Variants in FLRT2 observed in about 807,000 individuals in gnomAD.
FLRT2 encodes the protein leucine-rich repeat transmembrane protein FLRT2.
A neutral mutation model predicts 40.0 loss-of-function variants in FLRT2; 15 were observed. The observed-to-expected ratio is 0.38, with a 90% CI of 0.25 to 0.58. The LOEUF is 0.58. Among genes scored for constraint, FLRT2 ranks in the 20% least tolerant of loss-of-function variants. The pLI is 0.71. For synonymous variants in FLRT2, 380 were observed against 336.8 expected, an observed-to-expected ratio of 1.13 and a Z score of -1.41; for missense variants, 726 against 840.0, an observed-to-expected ratio of 0.86 and a Z score of 1.68.
chr14:85,618,782 C>A (rs1893250745), intron 1 of FLRT2, among the ~76,000 whole-genome samples: 1 of 152,138 alleles, frequency 6.6e-6, no homozygotes, highest in Non-Finnish European at 1.5e-5. Flanking sequence ...ATGCGCCCAT[C>A]CCAGGCTCTC....
At chr14:85,533,614 G>A (rs1190079039) in intron 1 of FLRT2, among the ~76,000 whole-genome samples, 1 of 152,182 alleles carries the variant, frequency 6.6e-6, no homozygotes, top group African/African-American at 2.4e-5. Flanking sequence ...GCGGAGAGGG[G>A]GAGGCGGAGG....
In FLRT2 at chr14:85,638,812, A is replaced by C. The variant is rs1894074570; in HGVS notation, c.*15315A>C. ...GCCTAGATTTTGCTGCATGTCCGCA[A>C]ACCTATTTTGATCAACCAGTACTGA... is the stretch of plus-strand genomic sequence containing the variant. On this transcript the variant is annotated 3_prime_UTR_variant, in exon 2 of 2. Transcript: ENST00000330753. 1 of 152,220 alleles carries C rather than the reference A, an allele frequency of 6.6e-6. No homozygotes were observed. Among genetic ancestry groups the C allele is most frequent in the African/African-American group, 2.4e-5 (1 of 41,456 alleles). 9.4% of individuals were successfully genotyped at this position (152,220 alleles called of 1,614,324 possible). A position where few individuals can be genotyped will look rare whatever the true frequency, so the allele number is the denominator to read the frequency against.
At chr14:85,612,150 A>G (rs1892915617) in intron 1 of FLRT2, among the ~76,000 whole-genome samples, 1 of 5,054 alleles carries the variant, frequency 2.0e-4, no homozygotes, top group Non-Finnish European at 5.0e-4. Flanking sequence ...TAAAAAAAGA[A>G]AAAAAAAAAC....
chr14:85,583,659 C>T (rs1269051307), intron 1 of FLRT2, among the ~76,000 whole-genome samples: 1 of 152,096 alleles, frequency 6.6e-6, no homozygotes, highest in Non-Finnish European at 1.5e-5. Flanking sequence ...TCCCTCAAGG[C>T]ATTGTGCACG....
At chr14:85,542,315 T>C (rs563382906) in intron 1 of FLRT2, among the ~76,000 whole-genome samples, 2 of 152,180 alleles carry the variant, frequency 1.3e-5, no homozygotes, top group African/African-American at 4.8e-5. Context: ...CATGTATGTA[T>C]AGTATAATTT....
intron 1 of FLRT2, among the ~76,000 whole-genome samples, chr14:85,586,587 C>T (rs966490454): frequency 1.1e-4 from 17 of 152,006 alleles, no homozygotes; most frequent in Admixed American, 5.2e-4. Flanking sequence ...GCTTTATAAT[C>T]GTGATAAAAC....
At chr14:85,575,328 C>A (rs1891081089) in intron 1 of FLRT2, among the ~76,000 whole-genome samples, 1 of 151,594 alleles carries the variant, frequency 6.6e-6, no homozygotes, top group Non-Finnish European at 1.5e-5. Context: ...TTGATTAGTT[C>A]TTACAACATT....
At position 85,621,913 on chromosome 14, in the gene FLRT2, G is replaced by C; in HGVS notation, c.399G>C (p.Leu133Phe). Residue 133 changes from leucine (L) to phenylalanine (F), a missense_variant, in exon 2 of 2, where the codon TTG (leucine) becomes TTC (phenylalanine). Coordinates refer to ENST00000330753, the MANE Select transcript of FLRT2 (RefSeq NM_013231.6). ...TISRAALAQL[L>F]KLEELHLDDN... is the part of the protein sequence containing the mutation. ...CACGGGCTGCTCTTGCCCAGCTCTTGAAGCTTGAAGAGCTGCACCTGGATG... is the reference window on the plus strand; with the variant it reads ...CACGGGCTGCTCTTGCCCAGCTCTTCAAGCTTGAAGAGCTGCACCTGGATG... 6.2e-7 allele frequency: 1 copy of C among 1,602,494 alleles called. No homozygotes were observed. Among genetic ancestry groups the C allele is most frequent in the Non-Finnish European group, 8.5e-7 (1 of 1,173,544 alleles).
chr14:85,629,615 G>A lies in FLRT2; in HGVS notation c.*6118G>A, dbSNP rs2139383165. 1 of 152,240 alleles carries A rather than the reference G, an allele frequency of 6.6e-6. No homozygotes were observed. Among genetic ancestry groups the A allele is most frequent in the Middle Eastern group, 3.4e-3 (1 of 294 alleles). 9.4% of individuals were successfully genotyped at this position (152,240 alleles called of 1,614,324 possible). A position where few individuals can be genotyped will look rare whatever the true frequency, so the allele number is the denominator to read the frequency against. ...AGAGAAATTAAGTGATTAGTCTATAGCTACAAATCCTGTAAATGGCAGAGT... is the reference window on the plus strand; with the variant it reads ...AGAGAAATTAAGTGATTAGTCTATAACTACAAATCCTGTAAATGGCAGAGT... On this transcript the variant is annotated 3_prime_UTR_variant, in exon 2 of 2. Coordinates refer to ENST00000330753, the MANE Select transcript of FLRT2 (RefSeq NM_013231.6).
In FLRT2 at chr14:85,637,554, C is replaced by T. The variant is rs1469922337; in HGVS notation, c.*14057C>T. 6.6e-6 allele frequency: 1 copy of T among 152,212 alleles called. No homozygotes were observed. Among genetic ancestry groups the T allele is most frequent in the Non-Finnish European group, 1.5e-5 (1 of 68,044 alleles). The allele number at this position is 152,212 out of a possible 1,614,324, so 9.4% of individuals were successfully genotyped here. A position where few individuals can be genotyped will look rare whatever the true frequency, so the allele number is the denominator to read the frequency against. On this transcript the variant is annotated 3_prime_UTR_variant, in exon 2 of 2. Transcript: ENST00000330753. ...TCTTTCTTTCCACAATCGTCTGTCA[C>T]TCCCGGTAGAACTAAGTGATTTTCC...
At chr14:85,616,009 A>G (rs1167931269) in intron 1 of FLRT2, among the ~76,000 whole-genome samples, 1 of 152,190 alleles carries the variant, frequency 6.6e-6, no homozygotes, top group Admixed American at 6.5e-5. Flanking sequence ...AAGCTATAGC[A>G]TGACTTTCGT....
In FLRT2 at chr14:85,535,912, TTTTTTTTTTGTTGTTG is replaced by T. The variant is rs1566714108; in HGVS notation, c.-377+5381_-377+5396del. ...ATGCTGTTTTTTTTTTTTTTTTTTT[TTTTTTTTTTGTTGTTG>T]TTGTTGTTGTTGTTGTTTTAAAGCC... is the stretch of plus-strand genomic sequence containing the variant. On this transcript the variant is annotated intron_variant, in intron 1 of 1. Transcript: ENST00000330753. Among the ~76,000 whole-genome samples, 4 of 82,620 alleles carry T rather than the reference TTTTTTTTTTGTTGTTG, an allele frequency of 4.8e-5. No homozygotes were observed. In the South Asian group the frequency reaches 1.4e-3, roughly 29 times the overall value. 54.2% of individuals were successfully genotyped at this position (82,620 alleles called of 152,430 possible).
intron 1 of FLRT2, among the ~76,000 whole-genome samples, chr14:85,580,466 C>A (rs925293863): frequency 2.0e-5 from 3 of 151,924 alleles, no homozygotes; most frequent in Non-Finnish European, 2.9e-5. Context: ...ATTATAATAC[C>A]TTTATGATGG....
At chr14:85,558,882 A>G (rs1595019999) in intron 1 of FLRT2, among the ~76,000 whole-genome samples, 1 of 152,366 alleles carries the variant, frequency 6.6e-6, no homozygotes, top group East Asian at 1.9e-4. Context: ...TCGGGAAATA[A>G]TGTATTCTGA....
Position 85,622,086 on chromosome 14 carries a change from G to A in FLRT2, c.572G>A (p.Arg191Gln), listed in dbSNP as rs1362116180. 1 of 1,614,080 alleles carries A rather than the reference G, an allele frequency of 6.2e-7. No individual in the cohort carries two copies. The highest frequency in any genetic ancestry group is 8.5e-7 in the Non-Finnish European group (1 of 1,180,016). Reference sequence around the variant, plus strand: ...CAAGAGCTGAGAGTGGATGAAAATCGAATTGCTGTCATATCCGACATGGCC... The same window carrying A: ...CAAGAGCTGAGAGTGGATGAAAATCAAATTGCTGTCATATCCGACATGGCC... ...DLQELRVDEN[R>Q]IAVISDMAFQ... The change falls in exon 2 of 2, where the codon CGA becomes CAA. Residue 191 changes from arginine to glutamine, a missense_variant. Arg to Gln is a conservative substitution (Grantham distance 43, BLOSUM62 1). Around this residue, in one of 3 missense-constraint regions of FLRT2, gnomAD observed 611 missense variants for 690.0 expected, o/e 0.89. Coordinates refer to ENST00000330753, the MANE Select transcript of FLRT2 (RefSeq NM_013231.6).
Position 85,632,426 on chromosome 14 carries a change from C to T in FLRT2, c.*8929C>T. 2 of 138,948 alleles carry T rather than the reference C, an allele frequency of 1.4e-5. No homozygotes were observed. The highest frequency in any genetic ancestry group is 3.0e-5 in the Non-Finnish European group (2 of 66,062). The allele number at this position is 138,948 out of a possible 1,614,324, so 8.6% of individuals were successfully genotyped here. A position where few individuals can be genotyped will look rare whatever the true frequency, so the allele number is the denominator to read the frequency against. The stretch of plus-strand genomic sequence containing the variant: ...GGTGGAGGTTGCAGTGAGCCAAGAT[C>T]ATGCCATTGCACTCCAGCCTGGTGA... On this transcript the variant is annotated 3_prime_UTR_variant, in exon 2 of 2. Transcript: ENST00000330753.
At chr14:85,569,083 T>A (rs1242086035) in intron 1 of FLRT2, among the ~76,000 whole-genome samples, 1 of 152,130 alleles carries the variant, frequency 6.6e-6, no homozygotes, top group Admixed American at 6.5e-5. Context: ...AAACAAAGAC[T>A]TCACAGGTGG....
At chr14:85,584,284 A>C (rs186233002) in intron 1 of FLRT2, among the ~76,000 whole-genome samples, 43 of 152,344 alleles carry the variant, frequency 2.8e-4, no homozygotes, top group Admixed American at 2.7e-3. Flanking sequence ...ATATGGCTGC[A>C]TAGTATTGAC....
At position 85,644,755 on chromosome 14, in the gene FLRT2, T is replaced by G. The variant is rs1894249346; in HGVS notation, c.*21258T>G. ...CCTAAAGCTGTGAATTTGGAGTTTG[T>G]TGCTGAGGAAGAGTAGACTCTCTAG... On this transcript the variant is annotated 3_prime_UTR_variant, in exon 2 of 2. Coordinates refer to ENST00000330753, the MANE Select transcript of FLRT2 (RefSeq NM_013231.6). 1 of 152,222 alleles carries G rather than the reference T, an allele frequency of 6.6e-6. No homozygotes were observed. The highest frequency in any genetic ancestry group is 1.5e-5 in the Non-Finnish European group (1 of 68,044). 9.4% of individuals were successfully genotyped at this position (152,222 alleles called of 1,614,324 possible). A position where few individuals can be genotyped will look rare whatever the true frequency, so the allele number is the denominator to read the frequency against.
Sources: gnomAD v4.1 joint callset for allele counts (sites outside exome capture counted in the v4.1 genomes callset) on GRCh38, gnomAD v4.1.1 for gene constraint, gnomAD v4.1.1 regional missense constraint, MANE v1.5 for transcripts, NCBI Gene and HGNC (gene_info 2026-07-23, HGNC 2026-07-21) for gene names.